VWA3B: variants seen among roughly 807,000 people sequenced by gnomAD.
VWA3B encodes the protein von Willebrand factor A domain-containing protein 3B.
A neutral mutation model predicts 158.3 loss-of-function variants in VWA3B; 138 were observed. The observed-to-expected ratio is 0.87, with a 90% CI of 0.76 to 1.00. The LOEUF (loss-of-function observed/expected upper bound fraction) is 1.00. Ranked by LOEUF, VWA3B falls within the 50% of genes least tolerant of loss-of-function variation. The pLI is 0.00. For synonymous variants in VWA3B, 596 were observed against 587.3 expected (o/e 1.01, Z -0.21); for missense variants, 1,555 against 1,565.1 (o/e 0.99, Z 0.11).
Position 98,188,122 on chromosome 2 carries a change from C to A in VWA3B, c.1459C>A (p.Arg487=), listed in dbSNP as rs373471471. 1 of 1,610,376 alleles carries A rather than the reference C, an allele frequency of 6.2e-7. No individual in the cohort carries two copies. Among genetic ancestry groups the A allele is most frequent in the Admixed American group, 1.7e-5 (1 of 59,452 alleles). The change falls in exon 10 of 28, where the codon CGA becomes AGA. Residue 487 remains arginine (R), a synonymous_variant. Transcript: ENST00000477737. The part of the protein sequence containing the change: ...ERIHTALARI[R]RRIKWLQDGS... ...AATCCACACAGCCCTGGCCCGGATC[C>A]GAAGGAGGTTGGTGTTATTTGCAGG...
Position 98,181,075 on chromosome 2 carries a change from A to G in VWA3B, c.1174A>G (p.Thr392Ala). Residue 392 changes from threonine to alanine, a missense_variant, in exon 9 of 28, where the codon ACA (threonine) becomes GCA (alanine). By Grantham distance (58) the Thr-to-Ala change is moderately conservative. Coordinates refer to ENST00000477737, the MANE Select transcript of VWA3B (RefSeq NM_144992.5). ...TCCAGAAGACACCTGGGACTCTAAG[A>G]CATGGCTGCAGAAATATGGCTTGAA... ...SNPEDTWDSKTWLQKYGLKAQ... is the reference protein window; with the variant it reads ...SNPEDTWDSKAWLQKYGLKAQ... The G allele has an allele frequency of 6.2e-7, 1 of 1,614,246 alleles. No homozygotes were observed. Among genetic ancestry groups the G allele is most frequent in the South Asian group, 1.1e-5 (1 of 91,090 alleles).
chr2:98,177,104 G>A (rs1175243913), intron 8 of VWA3B, among the ~76,000 whole-genome samples: 1 of 152,210 alleles, frequency 6.6e-6, no homozygotes, highest in Non-Finnish European at 1.5e-5. Flanking sequence ...TGAGGGACAG[G>A]AAGAGGAGTG....
chr2:98,220,088 C>T (rs185393924), intron 14 of VWA3B, among the ~76,000 whole-genome samples: 268 of 147,952 alleles, frequency 1.8e-3, no homozygotes, highest in African/African-American at 6.1e-3. Flanking sequence ...CACTTGAACC[C>T]GGGAGGCAGA....
chr2:98,217,930 G>A lies in VWA3B; in HGVS notation c.1921G>A (p.Ala641Thr). The change falls in exon 14 of 28, where the codon GCA becomes ACA. Residue 641 changes from alanine (A) to threonine (T), a missense_variant. Transcript: ENST00000477737. ...TISFNYNDEIANRFLKEVAAL... is the reference protein window; with the variant it reads ...TISFNYNDEITNRFLKEVAAL... ...CTCCTTCAATTACAATGATGAGATT[G>A]CAAACAGGTTTTTGAAAGAGGTTGC... The A allele has an allele frequency of 1.9e-6, 3 of 1,613,550 alleles. No individual in the cohort carries two copies. The South Asian group carries it at 3.3e-5, about 18-fold the overall frequency.
intron 22 of VWA3B, among the ~76,000 whole-genome samples, chr2:98,274,981 G>A (rs1688432207): frequency 6.6e-6 from 1 of 152,154 alleles, no homozygotes; most frequent in South Asian, 2.1e-4. Context: ...TGCTCCTCAG[G>A]GAGACAGGTG....
chr2:98,127,695 G>A (rs1018102912), intron 5 of VWA3B, among the ~76,000 whole-genome samples: 2 of 151,810 alleles, frequency 1.3e-5, no homozygotes, highest in Admixed American at 6.6e-5. Flanking sequence ...GGCGGACCTG[G>A]CATCTGACCA....
At position 98,125,310 on chromosome 2, in the gene VWA3B, T is replaced by G. The variant is rs1213451243; in HGVS notation, c.703-2929T>G. ...TCTGGGGCCACCTTCTATTGCTTGC[T>G]CTTACTTTCAGAATTCTGGGGCTCA... On this transcript the variant is annotated intron_variant, in intron 5 of 27. Coordinates refer to ENST00000477737, the MANE Select transcript of VWA3B (RefSeq NM_144992.5). The surrounding 1 kb of genome is among the most constrained non-coding windows in gnomAD (Gnocchi z 4.1). Among the ~76,000 whole-genome samples the G allele has an allele frequency of 6.6e-6, 1 of 152,214 alleles. No homozygotes were observed. Among genetic ancestry groups the G allele is most frequent in the Non-Finnish European group, 1.5e-5 (1 of 68,038 alleles).
chr2:98,149,584 A>G (rs1677455826), intron 7 of VWA3B, among the ~76,000 whole-genome samples: 1 of 152,208 alleles, frequency 6.6e-6, no homozygotes, highest in African/African-American at 2.4e-5. Flanking sequence ...CGTTTGATTG[A>G]TTGTGGAAAG....
At chr2:98,138,858 C>G (rs191546257) in intron 7 of VWA3B, among the ~76,000 whole-genome samples, 67 of 152,356 alleles carry the variant, frequency 4.4e-4, no homozygotes, top group Non-Finnish European at 2.8e-4. Context: ...CTCACAGCCT[C>G]GCTCACTCTC....
At chr2:98,173,566 T>C (rs1035049742) in intron 8 of VWA3B, among the ~76,000 whole-genome samples, 3 of 152,224 alleles carry the variant, frequency 2.0e-5, no homozygotes, top group Admixed American at 6.5e-5. Context: ...TTTGGGAGAA[T>C]TGGTCGATTA....
At chr2:98,248,180 T>G (rs183371249) in intron 19 of VWA3B, among the ~76,000 whole-genome samples, 73 of 152,260 alleles carry the variant, frequency 4.8e-4, no homozygotes, top group African/African-American at 1.7e-3. Flanking sequence ...CTGTAACATC[T>G]TTGAACAACC....
intron 8 of VWA3B, among the ~76,000 whole-genome samples, chr2:98,175,278 G>A (rs1240160525): frequency 6.6e-6 from 1 of 152,122 alleles, no homozygotes; most frequent in African/African-American, 2.4e-5. Context: ...TTTTAAATAT[G>A]TCAAAGAACT....
At chr2:98,193,831 G>A (rs531987646) in intron 11 of VWA3B, among the ~76,000 whole-genome samples, 13 of 151,730 alleles carry the variant, frequency 8.6e-5, no homozygotes, top group East Asian at 7.7e-4. Flanking sequence ...CTCGTGATCC[G>A]CCCGCCTCGG....
In VWA3B at chr2:98,188,024, A is replaced by G; in HGVS notation, c.1361A>G (p.His454Arg). ...GCAAAATATTGCAGCAGGTTTGTCCATGCTCCCTGGAAGGATGGGAGCTTG... is the reference window on the plus strand; with the variant it reads ...GCAAAATATTGCAGCAGGTTTGTCCGTGCTCCCTGGAAGGATGGGAGCTTG... ...VHAKYCSRFV[H>R]APWKDGSLVH... The change falls in exon 10 of 28, where the codon CAT (histidine) becomes CGT (arginine). Residue 454 changes from histidine to arginine, a missense_variant. Transcript: ENST00000477737. 6.2e-7 allele frequency: 1 copy of G among 1,614,006 alleles called. No individual in the cohort carries two copies. The highest frequency in any genetic ancestry group is 8.5e-7 in the Non-Finnish European group (1 of 1,179,982).
intron 22 of VWA3B, among the ~76,000 whole-genome samples, chr2:98,276,271 A>G (rs552740830): frequency 6.1e-4 from 93 of 152,280 alleles, no homozygotes; most frequent in South Asian, 1.2e-3. Flanking sequence ...TCAAAATGCC[A>G]TTACTGTCAC....
At chr2:98,283,858 C>G (rs1339061307) in intron 22 of VWA3B, among the ~76,000 whole-genome samples, 3 of 152,232 alleles carry the variant, frequency 2.0e-5, no homozygotes, top group African/African-American at 7.2e-5. Flanking sequence ...AGTCCCATAG[C>G]CAGGTGGGCA....
At chr2:98,168,548 T>C (rs926058665) in intron 8 of VWA3B, among the ~76,000 whole-genome samples, 1 of 152,202 alleles carries the variant, frequency 6.6e-6, no homozygotes, top group Admixed American at 6.5e-5. Context: ...AAGAAAGATA[T>C]TTAAAAAGAC....
chr2:98,104,540 A>T (rs1683303220), intron 2 of VWA3B, among the ~76,000 whole-genome samples: 1 of 152,204 alleles, frequency 6.6e-6, no homozygotes, highest in Non-Finnish European at 1.5e-5. Flanking sequence ...CGTGATCCAA[A>T]CACTTCCCAT....
chr2:98,092,816 G>GTATATA (rs70940110), intron 1 of VWA3B, among the ~76,000 whole-genome samples: 665 of 51,436 alleles, frequency 0.013, 41 homozygotes, highest in Non-Finnish European at 0.017. Context: ...AGATGTTTTT[G>GTATATA]TATATATATA....
Sources: gnomAD v4.1 joint callset for allele counts (sites outside exome capture counted in the v4.1 genomes callset) on GRCh38, gnomAD v4.1.1 for gene constraint, Gnocchi (gnomAD v3.1) non-coding constraint, MANE v1.5 for transcripts, NCBI Gene and HGNC (gene_info 2026-07-23, HGNC 2026-07-21) for gene names.